The following FBN2 variants were observed in gnomAD, a reference collection of about 807,000 sequenced individuals.
The protein encoded by FBN2 is fibrillin-2.
Under a neutral mutation model 355.6 loss-of-function variants are expected in FBN2, and 105 were observed. That is an observed-to-expected ratio of 0.30 (90% CI 0.25 to 0.35). The LOEUF (loss-of-function observed/expected upper bound fraction) is 0.35, where lower values mean the gene tolerates loss of function less well. FBN2 is among the 10% of genes least tolerant of loss of function. FBN2 has a pLI of 1.00. For missense variants in FBN2, 3,280 were observed against 3,758.7 expected (o/e 0.87, Z 3.33); for synonymous variants, 1,350 against 1,301.2 (o/e 1.04, Z -0.81).
Position 128,276,155 on chromosome 5 carries a change from C to T in FBN2, c.7477G>A (p.Asp2493Asn), listed in dbSNP as rs779483120. The change falls in exon 59 of 65, where the codon GAT becomes AAT. Residue 2493 changes from aspartate to asparagine, a missense_variant. Around this residue, in one of 6 missense-constraint regions of FBN2, gnomAD observed 2,284 missense variants for 2,749.5 expected, o/e 0.83. Coordinates refer to ENST00000262464, the MANE Select transcript of FBN2 (RefSeq NM_001999.4). ...DISGTSCIDL[D>N]ECSQSPKPCN... Reference sequence around the variant, plus strand: ...GGTTTCGGGGACTGGGAGCATTCATCAAGGTCTAAGTAAAAGTGATGTGAA... The same window carrying T: ...GGTTTCGGGGACTGGGAGCATTCATTAAGGTCTAAGTAAAAGTGATGTGAA... The T allele has an allele frequency of 7.7e-5, 125 of 1,613,666 alleles. No individual in the cohort carries two copies. In the South Asian group the frequency reaches 9.2e-4, roughly 12 times the overall value.
Position 128,295,803 on chromosome 5 carries a change from C to T in FBN2, c.6167-4149G>A, listed in dbSNP as rs1161582874. 2.9e-5 allele frequency among the ~76,000 whole-genome samples: 4 copies of T among 137,870 alleles called. No homozygotes were observed. The East Asian group carries it at 8.1e-4, about 28-fold the overall frequency. 90.4% of individuals were successfully genotyped at this position (137,870 alleles called of 152,430 possible). On this transcript the variant is annotated intron_variant, in intron 48 of 64. Coordinates refer to ENST00000262464, the MANE Select transcript of FBN2 (RefSeq NM_001999.4). ...GCAAACAGGGACAATTTGACTTCCT[C>T]TTTTCCTAATTGAATACCCTTTATT...
chr5:128,349,580 G>A (rs1481698322), intron 22 of FBN2, 108 bp from the exon 23 acceptor site: 1 of 1,300,412 alleles, frequency 7.7e-7, no homozygotes, highest in East Asian at 2.5e-5. Context: ...ATACAATGTG[G>A]ATTATTACTT....
chr5:128,399,401 T>C (rs1473066377), intron 8 of FBN2, among the ~76,000 whole-genome samples: 1 of 152,208 alleles, frequency 6.6e-6, no homozygotes, highest in African/African-American at 2.4e-5. Context: ...CTTAAAATTC[T>C]GTACTGTGAT....
chr5:128,344,188 T>C (rs1011035713), intron 25 of FBN2, among the ~76,000 whole-genome samples, 197 bp downstream of exon 25: 1 of 152,152 alleles, frequency 6.6e-6, no homozygotes, highest in Non-Finnish European at 1.5e-5. Context: ...AAGTTTGAAG[T>C]TACAGTGAGC....
Position 128,345,387 on chromosome 5 carries a change from C to G in FBN2, c.3187G>C (p.Asp1063His), listed in dbSNP as rs1169511981. ...TAAAATGGCCGCCCAGTAAGAACAT[C>G]CCCTCGGTTAGCAAAGCCAGCCCCG... ...PRGAGFANRG[D>H]VLTGRPFYKD... Residue 1063 changes from aspartate to histidine, a missense_variant, in exon 24 of 65, where the codon GAT (aspartate) becomes CAT (histidine). Physicochemically the swap from Asp to His is moderately conservative, Grantham distance 81. Coordinates refer to ENST00000262464, the MANE Select transcript of FBN2 (RefSeq NM_001999.4). The G allele has an allele frequency of 1.2e-6, 2 of 1,614,038 alleles. No individual in the cohort carries two copies. Among genetic ancestry groups the G allele is most frequent in the Non-Finnish European group, 1.7e-6 (2 of 1,180,036 alleles).
In FBN2 at chr5:128,357,320, C is replaced by G. The variant is rs754568071; in HGVS notation, c.2630G>C (p.Cys877Ser). ...GGAGCTGAGTTTGCTGCCGGGCGAACATTCACAATTGAAAGATCCAAGGTT... is the reference window on the plus strand; with the variant it reads ...GGAGCTGAGTTTGCTGCCGGGCGAAGATTCACAATTGAAAGATCCAAGGTT... ...RNNLGSFNCE[C>S]SPGSKLSSTG... Residue 877 changes from cysteine to serine, a missense_variant, in exon 20 of 65, where the codon TGT (cysteine) becomes TCT (serine). By Grantham distance (112) the Cys-to-Ser change is moderately radical. This residue lies in a region of FBN2 where 2,284 missense variants were observed against 2,749.5 expected (regional missense o/e 0.83). Coordinates refer to ENST00000262464, the MANE Select transcript of FBN2 (RefSeq NM_001999.4). The G allele has an allele frequency of 6.2e-7, 1 of 1,614,004 alleles. No homozygotes were observed.
intron 2 of FBN2, among the ~76,000 whole-genome samples, chr5:128,534,457 A>T (rs1233951535): frequency 6.6e-6 from 1 of 152,238 alleles, no homozygotes; most frequent in Non-Finnish European, 1.5e-5. Flanking sequence ...TATTTTGTGC[A>T]CTGTTTAATA....
At chr5:128,379,010 C>CA (rs368849352) in intron 11 of FBN2, 120 bp from the exon 12 acceptor site, 12 of 1,088,428 alleles carry the variant, frequency 1.1e-5, no homozygotes, top group African/African-American at 9.3e-5. Context: ...GTCTAAATAG[C>CA]GAAGTATTTA....
intron 34 of FBN2, among the ~76,000 whole-genome samples, chr5:128,323,075 TATAGGA>T: frequency 6.6e-6 from 1 of 152,014 alleles, no homozygotes; most frequent in African/African-American, 2.4e-5. Context: ...ATTATTGGTG[TATAGGA>T]ATGCTTGTGA....
intron 6 of FBN2, among the ~76,000 whole-genome samples, chr5:128,457,912 C>T (rs1754444162): frequency 6.6e-6 from 1 of 151,238 alleles, no homozygotes; most frequent in African/African-American, 2.4e-5. Context: ...AACTAGTGTG[C>T]AAAATAACCA....
chr5:128,430,040 T>C (rs1268634206), intron 7 of FBN2, among the ~76,000 whole-genome samples: 1 of 152,320 alleles, frequency 6.6e-6, no homozygotes, highest in East Asian at 1.9e-4. Flanking sequence ...ACTTTTTTTA[T>C]TCTTGCATTT....
rs959079509 is a variant in FBN2, at chr5:128,258,538, A to T, written c.*917T>A. 2.0e-5 allele frequency: 3 copies of T among 152,598 alleles called. No homozygotes were observed. Among genetic ancestry groups the T allele is most frequent in the Non-Finnish European group, 4.4e-5 (3 of 68,028 alleles). 9.5% of individuals were successfully genotyped at this position (152,598 alleles called of 1,614,324 possible). On this transcript the variant is annotated 3_prime_UTR_variant, in exon 65 of 65. Transcript: ENST00000262464. The stretch of plus-strand genomic sequence containing the variant: ...AATGCCAGGTGTTCCCTTTCAAGGG[A>T]ACGGCGGTTCTTCAGCTGCCTACAG...
chr5:128,460,701 C>T (rs554183538), intron 6 of FBN2, among the ~76,000 whole-genome samples: 44 of 152,214 alleles, frequency 2.9e-4, no homozygotes, highest in African/African-American at 1.0e-3. Context: ...AGAAATAACA[C>T]CACACATCTA....
chr5:128,508,557 CTCT>C (rs1756025951), intron 5 of FBN2, among the ~76,000 whole-genome samples: 1 of 151,888 alleles, frequency 6.6e-6, no homozygotes. Context: ...ACCACATCTA[CTCT>C]ACACCCCATA....
At chr5:128,526,034 C>T (rs985909785) in intron 4 of FBN2, among the ~76,000 whole-genome samples, 4 of 151,980 alleles carry the variant, frequency 2.6e-5, no homozygotes, top group Non-Finnish European at 5.9e-5. Flanking sequence ...TTGACCTACC[C>T]CTGACCTTAA....
chr5:128,284,622 C>G (rs1335222812), intron 55 of FBN2, among the ~76,000 whole-genome samples: 1 of 152,274 alleles, frequency 6.6e-6, no homozygotes, highest in African/African-American at 2.4e-5. Context: ...TATGAACATC[C>G]TCTCACCAAA....
At position 128,459,086 on chromosome 5, in the gene FBN2, A is replaced by G. The variant is rs559426397; in HGVS notation, c.826+5638T>C. Reference sequence around the variant, plus strand: ...CTAATAAAGAAGAATGAAGAGAAGAATCAAATAGACACAATAAAAAATGAT... The same window carrying G: ...CTAATAAAGAAGAATGAAGAGAAGAGTCAAATAGACACAATAAAAAATGAT... On this transcript the variant is annotated intron_variant, in intron 6 of 64. Coordinates refer to ENST00000262464, the MANE Select transcript of FBN2 (RefSeq NM_001999.4). 2.0e-5 allele frequency among the ~76,000 whole-genome samples: 3 copies of G among 152,304 alleles called. No individual in the cohort carries two copies. In the East Asian group the frequency reaches 5.8e-4, roughly 29 times the overall value.
chr5:128,360,092 G>C (rs1751601669), intron 19 of FBN2, among the ~76,000 whole-genome samples: 1 of 152,054 alleles, frequency 6.6e-6, no homozygotes, highest in African/African-American at 2.4e-5. Flanking sequence ...AGATTTAACG[G>C]AAGCTTATCC....
intron 2 of FBN2, among the ~76,000 whole-genome samples, chr5:128,533,761 T>A (rs1486637171): frequency 2.0e-5 from 3 of 151,982 alleles, no homozygotes; most frequent in Admixed American, 2.0e-4. Flanking sequence ...GCCAACCTCA[T>A]CCCACTCTTA....
Sources: allele counts gnomAD v4.1 joint callset (sites outside exome capture counted in the v4.1 genomes callset), GRCh38; gene constraint gnomAD v4.1.1; regional missense constraint gnomAD v4.1.1; transcripts MANE v1.5; gene names NCBI Gene and HGNC (gene_info 2026-07-23, HGNC 2026-07-21).